Variants in HECW1 observed in about 807,000 individuals in gnomAD.
The protein encoded by HECW1 is HECT, C2 and WW domain containing E3 ubiquitin protein ligase 1.
A neutral mutation model predicts 182.3 loss-of-function variants in HECW1; 61 were observed. The observed-to-expected ratio is 0.33, with a 90% CI of 0.27 to 0.41. HECW1 has a LOEUF of 0.41. Among genes scored for constraint, HECW1 ranks in the 10% least tolerant of loss-of-function variants. The pLI, the probability that HECW1 is intolerant of heterozygous loss-of-function variation, is 1.00. For missense variants in HECW1, 1,739 were observed against 2,108.9 expected (o/e 0.82, Z 3.44); for synonymous variants, 859 against 832.6 (o/e 1.03, Z -0.55).
intron 19 of HECW1, among the ~76,000 whole-genome samples, chr7:43,497,268 G>A (rs928491021): frequency 1.3e-5 from 2 of 152,180 alleles, no homozygotes; most frequent in African/African-American, 2.4e-5. Flanking sequence ...AAGCTTAGAT[G>A]TAGGTGAAAA....
intron 24 of HECW1, among the ~76,000 whole-genome samples, chr7:43,532,905 G>A (rs1429644208): frequency 6.6e-6 from 1 of 152,230 alleles, no homozygotes; most frequent in African/African-American, 2.4e-5. Flanking sequence ...TTAGGGGTAA[G>A]ACCTGCATTG....
At chr7:43,184,876 AC>A (rs1266853838) in intron 2 of HECW1, among the ~76,000 whole-genome samples, 1 of 152,104 alleles carries the variant, frequency 6.6e-6, no homozygotes, top group Non-Finnish European at 1.5e-5. Context: ...GGCAGGTCTT[AC>A]ATGGCTGGAG....
chr7:43,175,060 C>G (rs893534614), intron 2 of HECW1, among the ~76,000 whole-genome samples: 1 of 152,142 alleles, frequency 6.6e-6, no homozygotes, highest in African/African-American at 2.4e-5. Context: ...CTGCTGATTT[C>G]CTGATATCCT....
At chr7:43,411,436 G>A (rs1018468256) in intron 8 of HECW1, among the ~76,000 whole-genome samples, 7 of 152,170 alleles carry the variant, frequency 4.6e-5, no homozygotes, top group Middle Eastern at 3.4e-3. Context: ...ATATCAACTT[G>A]AAAAGAATGT....
intron 4 of HECW1, among the ~76,000 whole-genome samples, chr7:43,316,922 T>C (rs1337072461): frequency 6.6e-5 from 10 of 150,600 alleles, no homozygotes; most frequent in Admixed American, 6.0e-4. Context: ...ATGTTCTGGA[T>C]GCAAATTCGA....
chr7:43,163,013 T>G (rs1790715704), intron 2 of HECW1: 1 of 152,186 alleles, frequency 6.6e-6, no homozygotes, highest in Non-Finnish European at 1.5e-5. Context: ...TTTGTTAGAC[T>G]CCAAATCCTG....
At chr7:43,507,601 GA>G (rs1397804497) in intron 22 of HECW1, among the ~76,000 whole-genome samples, 3 of 152,016 alleles carry the variant, frequency 2.0e-5, no homozygotes, top group African/African-American at 7.2e-5. Flanking sequence ...TTATTCTTGG[GA>G]AAAAAATTTA....
At chr7:43,215,896 C>G (rs1390850720) in intron 2 of HECW1, among the ~76,000 whole-genome samples, 1 of 152,164 alleles carries the variant, frequency 6.6e-6, no homozygotes. Flanking sequence ...ACTGCTGTGT[C>G]TCCAAGGACG....
chr7:43,290,195 C>G (rs879056456), intron 3 of HECW1, among the ~76,000 whole-genome samples: 9 of 152,314 alleles, frequency 5.9e-5, no homozygotes, highest in African/African-American at 1.7e-4. Flanking sequence ...CCTCAAAAGA[C>G]AGCTTTGCAG....
chr7:43,126,614 A>T (rs373463402), intron 2 of HECW1, among the ~76,000 whole-genome samples: 5 of 152,298 alleles, frequency 3.3e-5, no homozygotes, highest in African/African-American at 1.2e-4. Flanking sequence ...ATTGCATTTC[A>T]CTTTATTGCA....
chr7:43,492,986 C>G, intron 18 of HECW1, 98 bp from the exon 19 acceptor site: 2 of 730,664 alleles, frequency 2.7e-6, no homozygotes, highest in Non-Finnish European at 4.5e-6. Flanking sequence ...CTTCAAACTC[C>G]TTCATTAATC....
chr7:43,476,184 G>A (rs2078213979), intron 16 of HECW1, among the ~76,000 whole-genome samples: 1 of 152,132 alleles, frequency 6.6e-6, no homozygotes, highest in South Asian at 2.1e-4. Context: ...AATATGATGA[G>A]CAGACAAAAA....
At chr7:43,491,050 C>A (rs1333770614) in intron 17 of HECW1, among the ~76,000 whole-genome samples, 2 of 152,110 alleles carry the variant, frequency 1.3e-5, no homozygotes, top group South Asian at 2.1e-4. Flanking sequence ...ACCGCACTGG[C>A]AAAATTGAGC....
At chr7:43,238,855 G>GT (rs1230972797) in intron 2 of HECW1, among the ~76,000 whole-genome samples, 9 of 152,086 alleles carry the variant, frequency 5.9e-5, no homozygotes, top group Admixed American at 2.6e-4. Flanking sequence ...GGAAGGCATT[G>GT]TAAGTCATTG....
At chr7:43,553,966 G>T (rs1036215979) in intron 28 of HECW1, among the ~76,000 whole-genome samples, 2 of 152,174 alleles carry the variant, frequency 1.3e-5, no homozygotes, top group African/African-American at 4.8e-5. Context: ...TCTTGCATTT[G>T]CAGTCAATGG....
chr7:43,187,565 CTTCTA>C (rs1793527703), intron 2 of HECW1, among the ~76,000 whole-genome samples: 1 of 151,596 alleles, frequency 6.6e-6, no homozygotes, highest in Admixed American at 6.6e-5. Flanking sequence ...GTTTTTGTGA[CTTCTA>C]TTACTAATAT....
intron 2 of HECW1, among the ~76,000 whole-genome samples, chr7:43,206,108 T>C (rs1277050577): frequency 1.3e-5 from 2 of 152,154 alleles, no homozygotes; most frequent in Non-Finnish European, 2.9e-5. Context: ...AGAAAACCCA[T>C]CTTTTGGAAC....
chr7:43,337,679 G>T (rs1442951155), intron 5 of HECW1, among the ~76,000 whole-genome samples: 1 of 152,186 alleles, frequency 6.6e-6, no homozygotes, highest in Non-Finnish European at 1.5e-5. Context: ...GTCTTCAGAT[G>T]CTCTTGCTGG....
At chr7:43,336,989 G>A (rs1812376444) in intron 5 of HECW1, among the ~76,000 whole-genome samples, 1 of 152,206 alleles carries the variant, frequency 6.6e-6, no homozygotes, top group African/African-American at 2.4e-5. Context: ...ATTGTGAATA[G>A]TGCTGCAATA....
Sources: gnomAD v4.1 joint callset for allele counts (sites outside exome capture counted in the v4.1 genomes callset) on GRCh38, gnomAD v4.1.1 for gene constraint, MANE v1.5 for transcripts, NCBI Gene and HGNC (gene_info 2026-07-23, HGNC 2026-07-21) for gene names.